GLIPR2: variants seen among roughly 807,000 people sequenced by gnomAD.
GLIPR2 encodes GLI pathogenesis related 2.
GLIPR2 carries 21 observed loss-of-function variants against 20.4 expected under a neutral mutation model. The observed-to-expected ratio is 1.03, with a 90% confidence interval of 0.73 to 1.48. The LOEUF is 1.48. Ranked by LOEUF, GLIPR2 falls within the 40% of genes most tolerant of loss-of-function variation. The probability of loss-of-function intolerance (pLI) is 0.00; values close to 1 mark genes in which losing one functional copy is unlikely to be tolerated. For synonymous variants in GLIPR2, 91 were observed against 80.5 expected (o/e 1.13, Z -0.70); for missense variants, 205 against 200.1 (o/e 1.02, Z -0.15).
intron 4 of GLIPR2, among the ~76,000 whole-genome samples, chr9:36,159,437 A>C (rs1825966344): frequency 6.6e-6 from 1 of 152,242 alleles, no homozygotes; most frequent in Non-Finnish European, 1.5e-5. Flanking sequence ...AGTTCCACTC[A>C]TTCTTTCAAA....
At chr9:36,144,113 T>C (rs1414709412) in intron 1 of GLIPR2, among the ~76,000 whole-genome samples, 2 of 152,124 alleles carry the variant, frequency 1.3e-5, no homozygotes, top group Admixed American at 6.5e-5. Flanking sequence ...CATGGGTTCC[T>C]GGAGGCCATG....
In GLIPR2 at chr9:36,141,896, C is replaced by T. The variant is rs1011862329; in HGVS notation, c.13+5105C>T. 2.2e-5 allele frequency: 10 copies of T among 455,484 alleles called. No individual in the cohort carries two copies. The East Asian group carries it at 4.9e-4, about 22-fold the overall frequency. 28.2% of individuals were successfully genotyped at this position (455,484 alleles called of 1,614,324 possible). On this transcript the variant is annotated intron_variant, in intron 1 of 4. Coordinates refer to ENST00000377960, the MANE Select transcript of GLIPR2 (RefSeq NM_022343.4). ...GAGGCCTGGCCTCCAGAAGGAACTT[C>T]GAGAACCCAGTGCAGCCCCACCTAG...
At chr9:36,153,282 G>C (rs1387613828) in intron 4 of GLIPR2, among the ~76,000 whole-genome samples, 1 of 152,210 alleles carries the variant, frequency 6.6e-6, no homozygotes, top group African/African-American at 2.4e-5. Flanking sequence ...TCTCACAAGA[G>C]TCAGAGCCCA....
intron 4 of GLIPR2, among the ~76,000 whole-genome samples, chr9:36,160,054 G>A (rs1216061310): frequency 6.6e-6 from 1 of 152,080 alleles, no homozygotes; most frequent in Non-Finnish European, 1.5e-5. Context: ...GAAGCTGTTG[G>A]TCATCAGAAG....
intron 4 of GLIPR2, among the ~76,000 whole-genome samples, chr9:36,151,551 C>A (rs1825587578): frequency 6.6e-6 from 1 of 152,200 alleles, no homozygotes. Flanking sequence ...AGTCTTAGCT[C>A]TGGCACCCTT....
intron 1 of GLIPR2, among the ~76,000 whole-genome samples, chr9:36,146,539 C>A (rs1232316237): frequency 6.6e-6 from 1 of 152,194 alleles, no homozygotes; most frequent in East Asian, 1.9e-4. Flanking sequence ...GCACAATTCC[C>A]CCAGAGACAT....
chr9:36,138,832 G>A lies in GLIPR2; in HGVS notation c.13+2041G>A, dbSNP rs78709825. Reference sequence around the variant, plus strand: ...GAGCTCAAGGTGAGGAGACTGCTCCGCGTGGGAGCCGACGAGGGTTCCTGG... The same window carrying A: ...GAGCTCAAGGTGAGGAGACTGCTCCACGTGGGAGCCGACGAGGGTTCCTGG... On this transcript the variant is annotated intron_variant, in intron 1 of 4. Transcript: ENST00000377960. 9.2e-5 allele frequency among the ~76,000 whole-genome samples: 14 copies of A among 152,304 alleles called. No individual in the cohort carries two copies. In the South Asian group the frequency reaches 1.2e-3, roughly 14 times the overall value.
intron 3 of GLIPR2, 43 bp from the exon 4 acceptor site, chr9:36,150,829 G>A (rs1184267425): frequency 8.3e-6 from 12 of 1,444,670 alleles, no homozygotes; most frequent in Middle Eastern, 1.8e-4. Context: ...GGGAGTGGGT[G>A]GATTTTGTGG....
rs114333609 is a variant in GLIPR2 at position 36,152,884 on chromosome 9, G to T, written c.304+1935G>T. 7.2e-3 allele frequency among the ~76,000 whole-genome samples: 966 copies of T among 133,958 alleles called. 10 individuals carry two copies. The highest frequency in any genetic ancestry group is 0.026 in the African/African-American group (920 of 35,916). 87.9% of individuals were successfully genotyped at this position (133,958 alleles called of 152,430 possible). A position where few individuals can be genotyped will look rare whatever the true frequency, so the allele number is the denominator to read the frequency against. On this transcript the variant is annotated intron_variant, in intron 4 of 4. Transcript: ENST00000377960. Reference sequence around the variant, plus strand: ...AAAACTTTGGGAGGCCAAGGCAGGCGAATCACTTGAGGTCAAGAGCAAGAC... The same window carrying T: ...AAAACTTTGGGAGGCCAAGGCAGGCTAATCACTTGAGGTCAAGAGCAAGAC...
Position 36,136,996 on chromosome 9 carries a change from C to A in GLIPR2, c.13+205C>A. 1 of 507,750 alleles carries A rather than the reference C, an allele frequency of 2.0e-6. No homozygotes were observed. Among genetic ancestry groups the A allele is most frequent in the Non-Finnish European group, 3.0e-6 (1 of 328,930 alleles). The allele number at this position is 507,750 out of a possible 1,614,324, so 31.5% of individuals were successfully genotyped here. ...CCCGAGGGAGGCCCCCGCCGGAGAGCCGGGGATCGCGCCAAGTTGGGCTTC... is the reference window on the plus strand; with the variant it reads ...CCCGAGGGAGGCCCCCGCCGGAGAGACGGGGATCGCGCCAAGTTGGGCTTC... On this transcript the variant is annotated intron_variant, in intron 1 of 4. Transcript: ENST00000377960. This position sits in a 1 kb window ranked among gnomAD's most constrained non-coding sequence, Gnocchi z 4.3.
rs1418710339 is a variant in GLIPR2 at position 36,148,547 on chromosome 9, G to C, written c.123G>C (p.Gln41His). Residue 41 changes from glutamine (Q) to histidine (H), a missense_variant and splice_region_variant, in exon 3 of 5, where the codon CAG (glutamine) becomes CAC (histidine). Physicochemically the swap from Gln to His is conservative, Grantham distance 24. Coordinates refer to ENST00000377960, the MANE Select transcript of GLIPR2 (RefSeq NM_022343.4). The part of the protein sequence containing the change: ...LCKNLNREAQ[Q>H]YSEALASTRI... Reference sequence around the variant, plus strand: ...TGAGGAGGCGCTGTGAACTCTGCAGGTATTCTGAGGCCCTGGCCAGCACGA... The same window carrying C: ...TGAGGAGGCGCTGTGAACTCTGCAGCTATTCTGAGGCCCTGGCCAGCACGA... 1.9e-6 allele frequency: 3 copies of C among 1,612,296 alleles called. No individual in the cohort carries two copies. Among genetic ancestry groups the C allele is most frequent in the Non-Finnish European group, 2.5e-6 (3 of 1,178,480 alleles).
intron 4 of GLIPR2, among the ~76,000 whole-genome samples, chr9:36,156,738 C>G (rs1237438913): frequency 6.6e-6 from 1 of 152,196 alleles, no homozygotes; most frequent in African/African-American, 2.4e-5. Context: ...AGCATGAACC[C>G]TATTATGAAT....
chr9:36,143,815 T>C (rs561372411), intron 1 of GLIPR2, among the ~76,000 whole-genome samples: 6 of 152,248 alleles, frequency 3.9e-5, no homozygotes, highest in African/African-American at 1.4e-4. Flanking sequence ...GTAGCTCCTT[T>C]TGGTCGCCAG....
chr9:36,142,051 A>G (rs778523320), intron 1 of GLIPR2, among the ~76,000 whole-genome samples: 1 of 151,838 alleles, frequency 6.6e-6, no homozygotes. Context: ...GGTAACCTGC[A>G]CTCTGCAGTC....
intron 1 of GLIPR2, among the ~76,000 whole-genome samples, chr9:36,143,523 G>A (rs945233275): frequency 6.6e-6 from 1 of 152,144 alleles, no homozygotes; most frequent in Non-Finnish European, 1.5e-5. Flanking sequence ...CACTCAGATG[G>A]GGACCCCCGT....
chr9:36,162,321 A>G (rs1309270560), intron 4 of GLIPR2, 41 bp from the exon 5 acceptor site: 3 of 1,600,356 alleles, frequency 1.9e-6, no homozygotes, highest in Non-Finnish European at 1.7e-6. Context: ...AGGCTCTGCT[A>G]ATTCAGCCGT....
intron 1 of GLIPR2, among the ~76,000 whole-genome samples, chr9:36,140,662 C>T (rs770930847): frequency 1.3e-5 from 2 of 152,036 alleles, no homozygotes; most frequent in African/African-American, 4.8e-5. Flanking sequence ...TTGAGCAACT[C>T]GTCATAGACA....
At position 36,163,863 on chromosome 9, in the gene GLIPR2, G is replaced by T. The variant is rs1826171851; in HGVS notation, c.*1341G>T. ...TCAAGCTATGCCTCTAATTTCACCA[G>T]GGATATTGACTAAGAAGACAATAAA... On this transcript the variant is annotated 3_prime_UTR_variant, in exon 5 of 5. Transcript: ENST00000377960. 2.0e-5 allele frequency: 3 copies of T among 152,684 alleles called. No individual in the cohort carries two copies. The highest frequency in any genetic ancestry group is 6.5e-5 in the Admixed American group (1 of 15,280). The allele number at this position is 152,684 out of a possible 1,614,324, so 9.5% of individuals were successfully genotyped here. A position where few individuals can be genotyped will look rare whatever the true frequency, so the allele number is the denominator to read the frequency against.
At chr9:36,145,312 A>G (rs1273701486) in intron 1 of GLIPR2, among the ~76,000 whole-genome samples, 1 of 152,162 alleles carries the variant, frequency 6.6e-6, no homozygotes, top group African/African-American at 2.4e-5. Context: ...TCATATTGGG[A>G]GTTGCCTCCT....
Sources: allele counts gnomAD v4.1 joint callset (sites outside exome capture counted in the v4.1 genomes callset), GRCh38; gene constraint gnomAD v4.1.1; non-coding constraint Gnocchi (gnomAD v3.1); transcripts MANE v1.5; gene names NCBI Gene and HGNC (gene_info 2026-07-23, HGNC 2026-07-21).